The following NLGN1 variants were observed in gnomAD, a reference collection of about 807,000 sequenced individuals.
NLGN1 encodes neuroligin 1, also known as neuroligin-1.
NLGN1 carries 12 observed loss-of-function variants against 65.5 expected under a neutral mutation model. That is an observed-to-expected ratio of 0.18 (90% CI 0.12 to 0.30). The LOEUF (loss-of-function observed/expected upper bound fraction) is 0.30. NLGN1 is among the 10% of genes least tolerant of loss of function. NLGN1 has a pLI of 1.00. For missense variants in NLGN1, 750 were observed against 1,007.1 expected (o/e 0.74, Z 3.46); for synonymous variants, 350 against 359.5 (o/e 0.97, Z 0.30).
At chr3:173,946,472 C>T (rs1321394448) in intron 4 of NLGN1, among the ~76,000 whole-genome samples, 5 of 152,176 alleles carry the variant, frequency 3.3e-5, no homozygotes, top group Non-Finnish European at 7.3e-5. Flanking sequence ...TTTAATATCA[C>T]TCTAGCATGA....
chr3:174,168,880 C>A (rs1728023053), intron 4 of NLGN1, among the ~76,000 whole-genome samples: 1 of 152,170 alleles, frequency 6.6e-6, no homozygotes, highest in African/African-American at 2.4e-5. Context: ...TCCTTAGCTC[C>A]AAGTTCTCTG....
intron 2 of NLGN1, among the ~76,000 whole-genome samples, chr3:173,480,866 T>C (rs1222038056): frequency 2.6e-5 from 4 of 152,114 alleles, no homozygotes; most frequent in Non-Finnish European, 4.4e-5. Context: ...AGAAGTAAAG[T>C]AAGATCAATT....
chr3:174,152,409 C>T (rs930145679), intron 4 of NLGN1, among the ~76,000 whole-genome samples: 5 of 151,968 alleles, frequency 3.3e-5, no homozygotes, highest in Non-Finnish European at 7.4e-5. Context: ...AAAAAACAAA[C>T]ACCGCATGTT....
At chr3:174,288,525 T>G (rs956219133), downstream of NLGN1, among the ~76,000 whole-genome samples, 1 of 151,482 alleles carries the variant, frequency 6.6e-6, no homozygotes, top group Admixed American at 6.6e-5. Context: ...CCACACCGTC[T>G]TCATCGCCTG....
At chr3:173,627,542 A>G (rs888867721) in intron 3 of NLGN1, among the ~76,000 whole-genome samples, 2 of 152,120 alleles carry the variant, frequency 1.3e-5, no homozygotes, top group African/African-American at 2.4e-5. Context: ...TTTATTTCCC[A>G]TGGATATATC....
chr3:174,084,388 T>G (rs1282921639), intron 4 of NLGN1, among the ~76,000 whole-genome samples: 1 of 152,140 alleles, frequency 6.6e-6, no homozygotes, highest in Non-Finnish European at 1.5e-5. Flanking sequence ...TAACGTATCT[T>G]CACATAGAAA....
intron 3 of NLGN1, among the ~76,000 whole-genome samples, chr3:173,637,053 A>G (rs1430348555): frequency 6.6e-6 from 1 of 152,198 alleles, no homozygotes; most frequent in Non-Finnish European, 1.5e-5. Context: ...TTAGTCTTAT[A>G]GTGAATAAGA....
rs1449346130 is a variant in NLGN1, at chr3:173,823,523, A to G, written c.646+15691A>G. The stretch of plus-strand genomic sequence containing the variant: ...TCTCAATTCACATGCTAAATCTTCA[A>G]CAGCACATGTAGTAGTCCCACTAAA... On this transcript the variant is annotated intron_variant, in intron 4 of 6. Coordinates refer to ENST00000457714, the Ensembl canonical transcript of NLGN1. Among the ~76,000 whole-genome samples, 4 of 152,190 alleles carry G rather than the reference A, an allele frequency of 2.6e-5. No homozygotes were observed. The East Asian group carries it at 7.7e-4, about 29-fold the overall frequency.
chr3:173,669,155 T>C (rs1488944431), intron 3 of NLGN1, among the ~76,000 whole-genome samples: 7 of 152,172 alleles, frequency 4.6e-5, no homozygotes, highest in Admixed American at 1.3e-4. Context: ...GAAAAAACAA[T>C]GTGGTGACAA....
intron 3 of NLGN1, among the ~76,000 whole-genome samples, chr3:173,779,483 T>TC (rs11439519): frequency 0.86 from 129,954 of 151,844 alleles, 56,516 homozygotes; most frequent in African/African-American, 0.93. Flanking sequence ...GTTTTTACTC[T>TC]CCCTTATTTA....
At chr3:173,807,708 A>G in exon 4 of NLGN1, 1 of 1,613,768 alleles carries the variant, frequency 6.2e-7, no homozygotes. Flanking sequence ...GTCCCAAACC[A>G]GTGATGGTGT....
chr3:173,730,452 A>G (rs1772625863), intron 3 of NLGN1, among the ~76,000 whole-genome samples: 1 of 151,970 alleles, frequency 6.6e-6, no homozygotes, highest in South Asian at 2.1e-4. Context: ...TTTATTTCCA[A>G]AATATTATCA....
chr3:174,076,706 AGAGAGAGAGAGAGAGAGAGTGTGT>A (rs1192858497), intron 4 of NLGN1, among the ~76,000 whole-genome samples: 3 of 145,020 alleles, frequency 2.1e-5, no homozygotes, highest in Admixed American at 6.8e-5. Flanking sequence ...AGAGAGAGAG[AGAGAGAGAGAGAGAGAGAGTGTGT>A]GTGTGTGTGT....
At chr3:173,545,484 T>C (rs1739636784) in intron 2 of NLGN1, among the ~76,000 whole-genome samples, 1 of 152,224 alleles carries the variant, frequency 6.6e-6, no homozygotes, top group African/African-American at 2.4e-5. Flanking sequence ...GGAAATACAC[T>C]TTCTTTAAAG....
chr3:173,490,809 C>T (rs1475016467), intron 2 of NLGN1, among the ~76,000 whole-genome samples: 1 of 152,080 alleles, frequency 6.6e-6, no homozygotes, highest in Non-Finnish European at 1.5e-5. Flanking sequence ...AGGTCCTTCA[C>T]ATCCCTTGTA....
At chr3:174,009,419 C>T (rs545251071) in intron 4 of NLGN1, among the ~76,000 whole-genome samples, 28 of 152,172 alleles carry the variant, frequency 1.8e-4, no homozygotes, top group African/African-American at 6.7e-4. Context: ...TCATTCACTA[C>T]GATAAATGCA....
intron 4 of NLGN1, among the ~76,000 whole-genome samples, chr3:173,942,411 C>A (rs9835429): frequency 0.33 from 50,558 of 151,626 alleles, 9,278 homozygotes; most frequent in African/African-American, 0.49. Flanking sequence ...CATTCAGTGA[C>A]GACTGACCTA....
At chr3:173,597,070 A>G (rs9871494) in intron 2 of NLGN1, among the ~76,000 whole-genome samples, 126,387 of 152,104 alleles carry the variant, frequency 0.83, 54,095 homozygotes, top group South Asian at 0.93. Flanking sequence ...CCCGGCAAGC[A>G]GATGAGCAGC....
intron 4 of NLGN1, among the ~76,000 whole-genome samples, chr3:173,946,072 C>T (rs1339695570): frequency 6.6e-6 from 1 of 152,232 alleles, no homozygotes; most frequent in Non-Finnish European, 1.5e-5. Flanking sequence ...TTTTTCCTCA[C>T]AGACTCACTT....
Sources: allele counts gnomAD v4.1 joint callset (sites outside exome capture counted in the v4.1 genomes callset), GRCh38; gene constraint gnomAD v4.1.1; transcripts MANE v1.5; gene names NCBI Gene and HGNC (gene_info 2026-07-23, HGNC 2026-07-21).